The following PSMF1 variants were observed in gnomAD, a reference collection of about 807,000 sequenced individuals.
PSMF1 encodes the protein proteasome inhibitor subunit 1, also known as proteasome inhibitor PI31 subunit.
Under a neutral mutation model 29.3 loss-of-function variants are expected in PSMF1, and 30 were observed. That is an observed-to-expected ratio of 1.02 (90% CI 0.77 to 1.39). The LOEUF (loss-of-function observed/expected upper bound fraction) is 1.39, where lower values mean the gene tolerates loss of function less well. PSMF1 is among the 40% of genes most tolerant of loss of function. PSMF1 has a pLI of 0.00. For missense variants in PSMF1, 344 were observed against 357.5 expected (o/e 0.96, Z 0.31); for synonymous variants, 134 against 139.7 (o/e 0.96, Z 0.29).
Position 1,165,804 on chromosome 20 carries a change from T to C in PSMF1, c.*724T>C. 6.6e-6 allele frequency: 7 copies of C among 1,062,512 alleles called. No homozygotes were observed. Among genetic ancestry groups the C allele is most frequent in the Non-Finnish European group, 8.0e-6 (7 of 875,672 alleles). 65.8% of individuals were successfully genotyped at this position (1,062,512 alleles called of 1,614,324 possible). The stretch of plus-strand genomic sequence containing the variant: ...TGGGCCAGTTTTGTAGGTCCATCTG[T>C]GCATGGGCAGCAGTAGTCAAAAAGC... On this transcript the variant is annotated 3_prime_UTR_variant, in exon 7 of 7. Coordinates refer to ENST00000335877, the MANE Select transcript of PSMF1 (RefSeq NM_006814.5).
At position 1,167,495 on chromosome 20, in the gene PSMF1, C is replaced by T. The variant is rs1019134065; in HGVS notation, c.*2415C>T. The T allele has an allele frequency of 6.6e-6, 1 of 152,254 alleles. No homozygotes were observed. Among genetic ancestry groups the T allele is most frequent in the Non-Finnish European group, 1.5e-5 (1 of 68,028 alleles). The allele number at this position is 152,254 out of a possible 1,614,324, so 9.4% of individuals were successfully genotyped here. A position where few individuals can be genotyped will look rare whatever the true frequency, so the allele number is the denominator to read the frequency against. ...CACCACCTCAAAAAGAAACCACACA[C>T]CCATTGGCATGACTCCCCATTCCCT... On this transcript the variant is annotated 3_prime_UTR_variant, in exon 7 of 7. Coordinates refer to ENST00000335877, the MANE Select transcript of PSMF1 (RefSeq NM_006814.5).
At position 1,127,484 on chromosome 20, in the gene PSMF1, C is replaced by G; in HGVS notation, c.341C>G (p.Ala114Gly). The G allele has an allele frequency of 6.2e-7, 1 of 1,606,292 alleles. No homozygotes were observed. Among genetic ancestry groups the G allele is most frequent in the Non-Finnish European group, 8.5e-7 (1 of 1,172,786 alleles). Residue 114 changes from alanine to glycine, a missense_variant, in exon 3 of 7, where the codon GCA becomes GGA. Ala to Gly is a moderately conservative substitution (Grantham distance 60). Transcript: ENST00000335877. ...CTGAACTTGGATGATTATATCGATG[C>G]AGAACACCTGGGTGACTTCCACAGG... ...LTLNLDDYID[A>G]EHLGDFHRTY...
intron 4 of PSMF1, among the ~76,000 whole-genome samples, chr20:1,152,135 A>G (rs2086539112): frequency 6.6e-6 from 1 of 152,172 alleles, no homozygotes; most frequent in African/African-American, 2.4e-5. Flanking sequence ...AACATGGTTA[A>G]TATTTATTGA....
chr20:1,149,081 T>A (rs983214113), intron 4 of PSMF1, among the ~76,000 whole-genome samples: 5 of 152,268 alleles, frequency 3.3e-5, no homozygotes, highest in African/African-American at 1.2e-4. Context: ...TCTGGCTTAA[T>A]GGAAGACAAC....
In PSMF1 at chr20:1,164,856, C is replaced by T. The variant is rs1415283073; in HGVS notation, c.765-173C>T. On this transcript the variant is annotated intron_variant, in intron 6 of 6. Coordinates refer to ENST00000335877, the MANE Select transcript of PSMF1 (RefSeq NM_006814.5). This position sits in a 1 kb window ranked among gnomAD's most constrained non-coding sequence, Gnocchi z 4.1. ...GAAAGATTAGGTAACTTATACCAAG[C>T]GGGGGAGTCAGGATTCAAACCCCGG... 2.0e-5 allele frequency among the ~76,000 whole-genome samples: 3 copies of T among 152,114 alleles called. No individual in the cohort carries two copies. Among genetic ancestry groups the T allele is most frequent in the Non-Finnish European group, 2.9e-5 (2 of 68,020 alleles).
chr20:1,126,847 C>T (rs921966280), intron 2 of PSMF1, among the ~76,000 whole-genome samples: 6 of 152,156 alleles, frequency 3.9e-5, no homozygotes, highest in African/African-American at 1.4e-4. Flanking sequence ...CCACTGAACT[C>T]CAGCCTGGGC....
chr20:1,171,358 C>G lies in PSMF1; in HGVS notation c.*6278C>G, dbSNP rs2086788414. Among the ~76,000 whole-genome samples, 1 of 152,162 alleles carries G rather than the reference C, an allele frequency of 6.6e-6. No homozygotes were observed. The highest frequency in any genetic ancestry group is 2.1e-4 in the South Asian group (1 of 4,828). ...GGCTTCCCTGGGCCACAGGAATGGG[C>G]TCGGGCTCTCTGCTGGGCTCTGTCA... On this transcript the variant is annotated 3_prime_UTR_variant, in exon 7 of 7. Transcript: ENST00000335877.
chr20:1,148,488 A>G (rs1428715816), intron 4 of PSMF1, among the ~76,000 whole-genome samples: 1 of 152,246 alleles, frequency 6.6e-6, no homozygotes, highest in African/African-American at 2.4e-5. Context: ...ATAAATCTTT[A>G]GATATAAAGC....
At chr20:1,153,012 T>A (rs2122575226) in intron 4 of PSMF1, among the ~76,000 whole-genome samples, 1 of 152,346 alleles carries the variant, frequency 6.6e-6, no homozygotes, top group East Asian at 1.9e-4. Context: ...GATTGCTCAG[T>A]TGCCCTTTTT....
At chr20:1,134,080 T>A (rs1374027593) in intron 3 of PSMF1, among the ~76,000 whole-genome samples, 1 of 146,726 alleles carries the variant, frequency 6.8e-6, no homozygotes, top group Non-Finnish European at 1.5e-5. Flanking sequence ...TCTCTCTTGT[T>A]TTTCTTTTTT....
rs1231014785 is a variant in PSMF1 at position 1,166,210 on chromosome 20, C to T, written c.*1130C>T. On this transcript the variant is annotated 3_prime_UTR_variant, in exon 7 of 7. Transcript: ENST00000335877. ...CCTGGCCCACCTGACCTTTGGTGTT[C>T]TCCGGATCCTTTTCAGCCCGAGGCC... 8 of 1,611,972 alleles carry T rather than the reference C, an allele frequency of 5.0e-6. No individual in the cohort carries two copies. In the African/African-American group the frequency reaches 1.1e-4, roughly 22 times the overall value.
At chr20:1,136,290 G>A (rs2086305124) in intron 4 of PSMF1, among the ~76,000 whole-genome samples, 1 of 152,184 alleles carries the variant, frequency 6.6e-6, no homozygotes, top group African/African-American at 2.4e-5. Flanking sequence ...CTAATAAAGA[G>A]GCAGAGCCAG....
chr20:1,137,606 ATAAAT>A (rs1198657536), intron 4 of PSMF1, among the ~76,000 whole-genome samples: 2 of 127,084 alleles, frequency 1.6e-5, no homozygotes, highest in Non-Finnish European at 3.3e-5. Flanking sequence ...TTTTCAACAA[ATAAAT>A]TAATCGCATG....
chr20:1,129,251 A>G (rs760813518), intron 3 of PSMF1, among the ~76,000 whole-genome samples: 1 of 152,106 alleles, frequency 6.6e-6, no homozygotes, highest in African/African-American at 2.4e-5. Flanking sequence ...ACCTCAAGTG[A>G]TGGGATTACA....
upstream of PSMF1, among the ~76,000 whole-genome samples, chr20:1,116,860 G>A (rs1286532638): frequency 6.6e-6 from 1 of 152,078 alleles, no homozygotes; most frequent in Non-Finnish European, 1.5e-5. Context: ...TGTTGAGGAT[G>A]GTAGGAGTGA....
chr20:1,170,448 A>C lies in PSMF1; in HGVS notation c.*5368A>C, dbSNP rs1161989496. Among the ~76,000 whole-genome samples the C allele has an allele frequency of 6.6e-6, 1 of 152,142 alleles. No individual in the cohort carries two copies. Among genetic ancestry groups the C allele is most frequent in the Non-Finnish European group, 1.5e-5 (1 of 68,036 alleles). ...TCCTTTGCCCCCATGGGTCACTTAG[A>C]TGTGTTTCATGTTATCTTTAAAAAT... is the stretch of plus-strand genomic sequence containing the variant. On this transcript the variant is annotated 3_prime_UTR_variant, in exon 7 of 7. Coordinates refer to ENST00000335877, the MANE Select transcript of PSMF1 (RefSeq NM_006814.5).
In PSMF1 at chr20:1,135,195, A is replaced by T; in HGVS notation, c.440A>T (p.Glu147Val). Residue 147 changes from glutamate (E) to valine (V), a missense_variant, in exon 4 of 7, where the codon GAA (glutamate) becomes GTA (valine). Physicochemically the swap from Glu to Val is moderately radical, Grantham distance 121. Transcript: ENST00000335877. ...GIITPIHEQW[E>V]KANVSSPHRE... ...ATCACACCTATCCATGAGCAGTGGG[A>T]AAAGGCTAATGTAAGCAGTCCCCAC... 1 of 1,614,002 alleles carries T rather than the reference A, an allele frequency of 6.2e-7. No individual in the cohort carries two copies. The highest frequency in any genetic ancestry group is 8.5e-7 in the Non-Finnish European group (1 of 1,179,938).
Position 1,165,566 on chromosome 20 carries a change from CCT to C in PSMF1, c.*487_*488del. 1.0e-6 allele frequency: 1 copy of C among 995,554 alleles called. No individual in the cohort carries two copies. The allele number at this position is 995,554 out of a possible 1,614,324, so 61.7% of individuals were successfully genotyped here. A position where few individuals can be genotyped will look rare whatever the true frequency, so the allele number is the denominator to read the frequency against. ...TCTGTAGGGCTGAATGACTCTTTTT[CCT>C]GCCCAGGGCCCATTCTTGCTTCTCA... On this transcript the variant is annotated 3_prime_UTR_variant, in exon 7 of 7. Transcript: ENST00000335877.
intron 4 of PSMF1, chr20:1,161,378 G>T: frequency 2.9e-6 from 1 of 347,510 alleles, no homozygotes; most frequent in Non-Finnish European, 5.4e-6. Context: ...TTCTGGGTGT[G>T]GAATTTTGCA....
Sources: gnomAD v4.1 joint callset for allele counts (sites outside exome capture counted in the v4.1 genomes callset) on GRCh38, gnomAD v4.1.1 for gene constraint, Gnocchi (gnomAD v3.1) non-coding constraint, MANE v1.5 for transcripts, NCBI Gene and HGNC (gene_info 2026-07-23, HGNC 2026-07-21) for gene names.